The following NELL1 variants were observed in gnomAD, a reference collection of about 807,000 sequenced individuals.
The protein encoded by NELL1 is protein kinase C-binding protein NELL1.
A neutral mutation model predicts 107.4 loss-of-function variants in NELL1; 76 were observed. The observed-to-expected ratio is 0.71, with a 90% CI of 0.59 to 0.86. The LOEUF is 0.86. Among genes scored for constraint, NELL1 ranks in the 40% least tolerant of loss-of-function variants. The pLI, the probability that NELL1 is intolerant of heterozygous loss-of-function variation, is 0.00. For missense variants in NELL1, 1,024 were observed against 1,005.5 expected, an observed-to-expected ratio of 1.02 and a Z score of -0.25; for synonymous variants, 353 against 341.2, an observed-to-expected ratio of 1.03 and a Z score of -0.38.
intron 14 of NELL1, among the ~76,000 whole-genome samples, chr11:21,237,563 A>G (rs1379846451): frequency 6.6e-6 from 1 of 152,074 alleles, no homozygotes; most frequent in Non-Finnish European, 1.5e-5. Flanking sequence ...TGAATTTATA[A>G]ATCAAGGCAG....
At chr11:20,742,453 T>C (rs10766721) in intron 2 of NELL1, among the ~76,000 whole-genome samples, 95,295 of 151,914 alleles carry the variant, frequency 0.63, 30,220 homozygotes, top group Middle Eastern at 0.76. Flanking sequence ...GAAAACTCCA[T>C]CTGTAGTAGT....
chr11:21,194,031 C>A (rs539541796), intron 13 of NELL1, among the ~76,000 whole-genome samples: 2 of 151,882 alleles, frequency 1.3e-5, no homozygotes, highest in East Asian at 3.9e-4. Flanking sequence ...ATGTTAGTGT[C>A]CTTCACATTG....
Position 21,418,316 on chromosome 11 carries a change from A to G in NELL1, c.1645+47368A>G, listed in dbSNP as rs183089719. Among the ~76,000 whole-genome samples, 368 of 152,176 alleles carry G rather than the reference A, an allele frequency of 2.4e-3. 4 individuals are homozygous for G. The highest frequency in any genetic ancestry group is 2.2e-3 in the Non-Finnish European group (148 of 67,978). On this transcript the variant is annotated intron_variant, in intron 15 of 19. Coordinates refer to ENST00000357134, the MANE Select transcript of NELL1 (RefSeq NM_006157.5). Reference sequence around the variant, plus strand: ...GGAGCTGTGGAAGAATGGCTTTTGAAACCAGGTAGGCAACATTTCAGGCCT... The same window carrying G: ...GGAGCTGTGGAAGAATGGCTTTTGAGACCAGGTAGGCAACATTTCAGGCCT...
intron 2 of NELL1, among the ~76,000 whole-genome samples, chr11:20,747,392 A>C (rs1007938992): frequency 6.6e-6 from 1 of 152,216 alleles, no homozygotes; most frequent in African/African-American, 2.4e-5. Context: ...AGGAAGAGCT[A>C]TTCAGTTTGG....
intron 15 of NELL1, among the ~76,000 whole-genome samples, chr11:21,445,105 C>A (rs1853387003): frequency 6.6e-6 from 1 of 152,138 alleles, no homozygotes; most frequent in South Asian, 2.1e-4. Context: ...TGTTTGTATT[C>A]ATATCTTATT....
chr11:20,977,246 T>C (rs535092397), intron 12 of NELL1, among the ~76,000 whole-genome samples: 5 of 151,624 alleles, frequency 3.3e-5, no homozygotes, highest in Non-Finnish European at 7.4e-5. Flanking sequence ...ATGTCCAAGA[T>C]TCAGGCAAAT....
intron 12 of NELL1, among the ~76,000 whole-genome samples, chr11:21,107,268 A>G (rs1349353206): frequency 1.3e-5 from 2 of 152,136 alleles, no homozygotes; most frequent in Non-Finnish European, 2.9e-5. Flanking sequence ...GAGTATTTTC[A>G]CTGCCCTAAA....
At chr11:21,423,011 G>A (rs977923279) in intron 15 of NELL1, among the ~76,000 whole-genome samples, 1 of 152,054 alleles carries the variant, frequency 6.6e-6, no homozygotes, top group Non-Finnish European at 1.5e-5. Flanking sequence ...CACGCTCATA[G>A]TAAAAAAAAG....
intron 3 of NELL1, among the ~76,000 whole-genome samples, chr11:20,800,222 G>A (rs956642517): frequency 5.3e-5 from 8 of 152,180 alleles, no homozygotes; most frequent in Non-Finnish European, 8.8e-5. Context: ...GAATGCTAGT[G>A]GGATTGCTGG....
chr11:21,064,748 T>A (rs918502301), intron 12 of NELL1, among the ~76,000 whole-genome samples: 1 of 152,172 alleles, frequency 6.6e-6, no homozygotes, highest in Non-Finnish European at 1.5e-5. Context: ...TTAAGTTAGA[T>A]GACCCATGTC....
intron 7 of NELL1, among the ~76,000 whole-genome samples, chr11:20,924,770 C>T (rs1054114228): frequency 6.6e-6 from 1 of 152,140 alleles, no homozygotes; most frequent in Non-Finnish European, 1.5e-5. Flanking sequence ...GTTGTTCAAT[C>T]CAAGGTCATA....
chr11:20,961,066 A>C (rs1851280096), intron 12 of NELL1, among the ~76,000 whole-genome samples: 2 of 152,058 alleles, frequency 1.3e-5, no homozygotes, highest in South Asian at 4.1e-4. Flanking sequence ...ATCTCTACTA[A>C]AAGTCACAGT....
chr11:20,966,047 T>C (rs1443938981), intron 12 of NELL1, among the ~76,000 whole-genome samples: 1 of 152,190 alleles, frequency 6.6e-6, no homozygotes, highest in African/African-American at 2.4e-5. Context: ...TAGCCCAGTT[T>C]CTTCTCAAGT....
chr11:21,135,533 A>G (rs1224209264), intron 13 of NELL1, among the ~76,000 whole-genome samples: 1 of 152,220 alleles, frequency 6.6e-6, no homozygotes, highest in Non-Finnish European at 1.5e-5. Flanking sequence ...TCTTAGTTCT[A>G]CAACTCATGT....
At chr11:21,102,874 G>T (rs183379741) in intron 12 of NELL1, among the ~76,000 whole-genome samples, 406 of 152,234 alleles carry the variant, frequency 2.7e-3, no homozygotes, top group Non-Finnish European at 4.3e-3. Context: ...TCTGGACTTA[G>T]TGATTTTTTA....
At chr11:21,559,056 G>A (rs765341675) in intron 16 of NELL1, among the ~76,000 whole-genome samples, 3 of 152,032 alleles carry the variant, frequency 2.0e-5, no homozygotes, top group Non-Finnish European at 2.9e-5. Flanking sequence ...CTAATGAAAT[G>A]TCTTGACTAA....
At chr11:21,504,488 A>T (rs891692869) in intron 15 of NELL1, among the ~76,000 whole-genome samples, 3 of 152,116 alleles carry the variant, frequency 2.0e-5, no homozygotes, top group Non-Finnish European at 4.4e-5. Context: ...TTTTCCTATG[A>T]TCTGACTCCT....
intron 12 of NELL1, among the ~76,000 whole-genome samples, chr11:21,022,356 A>G (rs1229230481): frequency 6.6e-6 from 1 of 152,066 alleles, no homozygotes; most frequent in African/African-American, 2.4e-5. Context: ...TCTAATGGTA[A>G]ATTGTATAGG....
At chr11:21,477,896 A>T (rs1218353913) in intron 15 of NELL1, among the ~76,000 whole-genome samples, 1 of 122,056 alleles carries the variant, frequency 8.2e-6, no homozygotes, top group African/African-American at 3.1e-5. Context: ...AAATAAAATT[A>T]TAAAAATTAT....
Sources: allele counts gnomAD v4.1 joint callset (sites outside exome capture counted in the v4.1 genomes callset), GRCh38; gene constraint gnomAD v4.1.1; transcripts MANE v1.5; gene names NCBI Gene and HGNC (gene_info 2026-07-23, HGNC 2026-07-21).